CUX2: variants seen among roughly 807,000 people sequenced by gnomAD.
CUX2 encodes cut like homeobox 2.
Under a neutral mutation model 144.8 loss-of-function variants are expected in CUX2, and 40 were observed. That is an observed-to-expected ratio of 0.28 (90% CI 0.21 to 0.36). CUX2 has a LOEUF of 0.36. Among genes scored for constraint, CUX2 ranks in the 10% least tolerant of loss-of-function variants. The pLI is 1.00. For synonymous variants in CUX2, 827 were observed against 875.6 expected (o/e 0.94, Z 0.98); for missense variants, 1,615 against 1,994.0 (o/e 0.81, Z 3.62).
chr12:111,090,655 G>T (rs1039606583), intron 1 of CUX2, among the ~76,000 whole-genome samples: 3 of 151,924 alleles, frequency 2.0e-5, no homozygotes, highest in South Asian at 2.1e-4. Flanking sequence ...TCTGGGTGAG[G>T]GTCAAATGAT....
intron 4 of CUX2, among the ~76,000 whole-genome samples, chr12:111,280,529 T>C (rs1885077178): frequency 6.6e-6 from 1 of 152,158 alleles, no homozygotes; most frequent in Admixed American, 6.5e-5. Flanking sequence ...CTGTGCCCCA[T>C]TACCACAAAC....
At chr12:111,167,107 A>T (rs748250667) in intron 1 of CUX2, among the ~76,000 whole-genome samples, 60 of 152,090 alleles carry the variant, frequency 3.9e-4, no homozygotes, top group Admixed American at 9.8e-4. Flanking sequence ...CAGCTTCTGC[A>T]CTGTCCTCCC....
Position 111,320,471 on chromosome 12 carries a change from G to T in CUX2, c.2462G>T (p.Gly821Val). The T allele has an allele frequency of 6.3e-7, 1 of 1,591,670 alleles. No individual in the cohort carries two copies. The highest frequency in any genetic ancestry group is 1.1e-5 in the South Asian group (1 of 90,732). ...TCTGGCTACTCTGGCCAGCCCAACG[G>T]CCGCGCCTGGCCCCGCGGGGACGAG... ...SSSGYSGQPN[G>V]RAWPRGDEAP... The change falls in exon 17 of 22, where the codon GGC (glycine) becomes GTC (valine). Residue 821 changes from glycine (G) to valine (V), a missense_variant. Gly to Val is a moderately radical substitution (Grantham distance 109). Around this residue, in one of 12 missense-constraint regions of CUX2, gnomAD observed 390 missense variants for 387.1 expected, o/e 1.01. Coordinates refer to ENST00000261726, the MANE Select transcript of CUX2 (RefSeq NM_015267.4). The surrounding 1 kb of genome is among the most constrained non-coding windows in gnomAD (Gnocchi z 8.1).
intron 16 of CUX2, among the ~76,000 whole-genome samples, chr12:111,319,284 A>G (rs954881196): frequency 2.6e-5 from 4 of 152,142 alleles, no homozygotes; most frequent in African/African-American, 9.7e-5. Context: ...CCCCATCTCT[A>G]TGAAAGAAAG....
In CUX2 at chr12:111,196,698, G is replaced by A. The variant is rs577717019; in HGVS notation, c.64-17502G>A. On this transcript the variant is annotated intron_variant, in intron 1 of 21. Transcript: ENST00000261726. ...CCATCCTGTACGGTAGCCACTACCC[G>A]TTGTGGTTACTGAGCACATGACTAT... is the stretch of plus-strand genomic sequence containing the variant. 7.9e-5 allele frequency among the ~76,000 whole-genome samples: 12 copies of A among 152,324 alleles called. No homozygotes were observed. The South Asian group carries it at 1.2e-3, about 16-fold the overall frequency.
At chr12:111,089,842 T>TTTTAACTGA in intron 1 of CUX2, among the ~76,000 whole-genome samples, 1 of 152,366 alleles carries the variant, frequency 6.6e-6, no homozygotes, top group Non-Finnish European at 1.5e-5. Context: ...ACTGTGGCCC[T>TTTTAACTGA]AGGTCTCCTC....
rs1329442072 is a variant in CUX2, at chr12:111,350,187, T to C, written c.*1862T>C. The stretch of plus-strand genomic sequence containing the variant: ...AATCTGGAACAAATGAAACATCTTT[T>C]AGCCACCACCACCCTGTTGCAATTA... On this transcript the variant is annotated 3_prime_UTR_variant, in exon 22 of 22. Coordinates refer to ENST00000261726, the MANE Select transcript of CUX2 (RefSeq NM_015267.4). 6.6e-6 allele frequency: 1 copy of C among 152,472 alleles called. No individual in the cohort carries two copies. The highest frequency in any genetic ancestry group is 1.9e-4 in the East Asian group (1 of 5,202). The allele number at this position is 152,472 out of a possible 1,614,324, so 9.4% of individuals were successfully genotyped here.
intron 1 of CUX2, among the ~76,000 whole-genome samples, chr12:111,176,074 A>G (rs550107787): frequency 8.0e-6 from 1 of 124,638 alleles, no homozygotes; most frequent in South Asian, 2.7e-4. Context: ...TGAGAGACAG[A>G]GTTGTTTCAC....
At chr12:111,066,900 G>T (rs1484118061) in intron 1 of CUX2, among the ~76,000 whole-genome samples, 1 of 152,218 alleles carries the variant, frequency 6.6e-6, no homozygotes, top group African/African-American at 2.4e-5. Flanking sequence ...TAAGGATCCA[G>T]TGAGATCATT....
chr12:111,129,122 A>C (rs1875277188), intron 1 of CUX2, among the ~76,000 whole-genome samples: 1 of 152,236 alleles, frequency 6.6e-6, no homozygotes, highest in Non-Finnish European at 1.5e-5. Context: ...GTGGAGCCCT[A>C]GATATTTCAC....
chr12:111,262,993 G>A (rs1282984284), intron 3 of CUX2, among the ~76,000 whole-genome samples: 3 of 152,202 alleles, frequency 2.0e-5, no homozygotes, highest in African/African-American at 7.2e-5. Context: ...ACAGGAGGTA[G>A]GTCCTGTTAT....
intron 1 of CUX2, among the ~76,000 whole-genome samples, chr12:111,098,181 C>G (rs1872947816): frequency 1.3e-5 from 2 of 152,140 alleles, no homozygotes; most frequent in Admixed American, 6.5e-5. Context: ...AAGTGGATCA[C>G]TTGAGGTCAG....
chr12:111,334,210 G>A (rs968863567), intron 18 of CUX2, among the ~76,000 whole-genome samples: 12 of 151,186 alleles, frequency 7.9e-5, no homozygotes, highest in Non-Finnish European at 1.3e-4. Flanking sequence ...AAATTGCTAA[G>A]CATCATGTGG....
Position 111,263,457 on chromosome 12 carries a change from T to C in CUX2, c.223-304T>C, listed in dbSNP as rs1884229141. ...CGTCTCTACCAAAAGTACAAAAAAA[T>C]TAGCTGGGCATGGTGGCAGGCACCT... On this transcript the variant is annotated intron_variant, in intron 3 of 21. Transcript: ENST00000261726. This position sits in a 1 kb window ranked among gnomAD's most constrained non-coding sequence, Gnocchi z 4.0. 6.6e-6 allele frequency among the ~76,000 whole-genome samples: 1 copy of C among 152,028 alleles called. No homozygotes were observed. The highest frequency in any genetic ancestry group is 2.4e-5 in the African/African-American group (1 of 41,362).
intron 1 of CUX2, among the ~76,000 whole-genome samples, chr12:111,150,760 G>A (rs1472606294): frequency 6.6e-6 from 1 of 151,824 alleles, no homozygotes; most frequent in African/African-American, 2.4e-5. Flanking sequence ...CTCGGGGGGT[G>A]GGAGGGGTGG....
rs1362152604 is a variant in CUX2 at position 111,190,972 on chromosome 12, G to T, written c.64-23228G>T. On this transcript the variant is annotated intron_variant, in intron 1 of 21. Transcript: ENST00000261726. The surrounding 1 kb of genome is among the most constrained non-coding windows in gnomAD (Gnocchi z 4.0). ...GCCGACCTGCTCGCAGATCCAGCAC[G>T]CCAGGAGGGTCCTGCTGTCCAGCTT... Among the ~76,000 whole-genome samples, 1 of 152,162 alleles carries T rather than the reference G, an allele frequency of 6.6e-6. No individual in the cohort carries two copies. The highest frequency in any genetic ancestry group is 2.1e-4 in the South Asian group (1 of 4,824).
At chr12:111,060,401 G>A (rs868749104) in intron 1 of CUX2, among the ~76,000 whole-genome samples, 4 of 152,144 alleles carry the variant, frequency 2.6e-5, no homozygotes, top group African/African-American at 4.8e-5. Context: ...CTCATCTTTC[G>A]TGTCTGATCT....
intron 9 of CUX2, among the ~76,000 whole-genome samples, chr12:111,301,315 C>T (rs1401530627): frequency 1.3e-5 from 2 of 152,146 alleles, no homozygotes. Context: ...AACCAGCTGT[C>T]ATCCCACATG....
At chr12:111,036,557 G>C (rs771846503) in intron 1 of CUX2, among the ~76,000 whole-genome samples, 1 of 152,214 alleles carries the variant, frequency 6.6e-6, no homozygotes, top group East Asian at 1.9e-4. Flanking sequence ...ATAAAGGTAG[G>C]GGGTGGTGGA....
Sources: gnomAD v4.1 joint callset for allele counts (sites outside exome capture counted in the v4.1 genomes callset) on GRCh38, gnomAD v4.1.1 for gene constraint, gnomAD v4.1.1 regional missense constraint, Gnocchi (gnomAD v3.1) non-coding constraint, MANE v1.5 for transcripts, NCBI Gene and HGNC (gene_info 2026-07-23, HGNC 2026-07-21) for gene names.